CLVS1: variants seen among roughly 807,000 people sequenced by gnomAD.
CLVS1 encodes the protein clavesin-1.
Under a neutral mutation model 33.1 loss-of-function variants are expected in CLVS1, and 10 were observed. The ratio of observed to expected loss-of-function variants is 0.30; its 90% CI spans 0.19 to 0.51. The LOEUF (loss-of-function observed/expected upper bound fraction) is 0.51. Among genes scored for constraint, CLVS1 ranks in the 20% least tolerant of loss-of-function variants. CLVS1 has a pLI of 0.97. For synonymous variants in CLVS1, 163 were observed against 166.1 expected (o/e 0.98, Z 0.14); for missense variants, 343 against 433.4 (o/e 0.79, Z 1.85).
chr8:61,023,630 C>T, the CLVS1 span, among the ~76,000 whole-genome samples: 14 of 152,256 alleles, frequency 9.2e-5, no homozygotes, highest in Admixed American at 9.2e-4. Context: ...GGATCCTCGC[C>T]TGCGCCATCC....
At chr8:61,117,840 T>G (rs1460787170) in intron 1 of CLVS1, among the ~76,000 whole-genome samples, 4 of 151,144 alleles carry the variant, frequency 2.6e-5, no homozygotes, top group Admixed American at 1.3e-4. Flanking sequence ...TCTCTTTTTT[T>G]GTTGTGTCTC....
At chr8:61,394,460 G>C (rs1814438064) in intron 3 of CLVS1, among the ~76,000 whole-genome samples, 1 of 152,160 alleles carries the variant, frequency 6.6e-6, no homozygotes, top group African/African-American at 2.4e-5. Flanking sequence ...GTCGGGGCAG[G>C]GTTAGGTGGG....
rs147777690 is a variant in CLVS1, at chr8:61,257,986, C to T, written c.-151-41691C>T. On this transcript the variant is annotated intron_variant, in intron 2 of 2. Coordinates refer to the CLVS1 transcript ENST00000522621. ...GTGGTGGTGGTAGTGACTACTACCA[C>T]TGAGAGAGCCAGGAGCAGGGGGAAA... Among the ~76,000 whole-genome samples the T allele has an allele frequency of 3.0e-3, 449 of 152,076 alleles. 2 individuals are homozygous for T. Among genetic ancestry groups the T allele is most frequent in the African/African-American group, 0.01 (418 of 41,470 alleles).
In CLVS1 at chr8:61,299,784, A is replaced by C; in HGVS notation, c.-44A>C. On this transcript the variant is annotated 5_prime_UTR_variant, in exon 2 of 6. Coordinates refer to ENST00000325897, the MANE Select transcript of CLVS1 (RefSeq NM_173519.3). ...TCTGTTCCGGGGCAGCCTGGTAGTAAAACACTGTTGAATGGGCCACAGTTT... is the reference window on the plus strand; with the variant it reads ...TCTGTTCCGGGGCAGCCTGGTAGTACAACACTGTTGAATGGGCCACAGTTT... 1 of 1,466,038 alleles carries C rather than the reference A, an allele frequency of 6.8e-7. No individual in the cohort carries two copies. The highest frequency in any genetic ancestry group is 9.4e-7 in the Non-Finnish European group (1 of 1,067,074). 90.8% of individuals were successfully genotyped at this position (1,466,038 alleles called of 1,614,324 possible).
the CLVS1 span, among the ~76,000 whole-genome samples, chr8:60,974,559 C>T: frequency 1.3e-5 from 2 of 152,304 alleles, no homozygotes; most frequent in East Asian, 3.9e-4. Context: ...TTTCTCCCCA[C>T]TTAGTATGAC....
chr8:61,466,788 C>T (rs1817560784), intron 5 of CLVS1, among the ~76,000 whole-genome samples: 1 of 152,142 alleles, frequency 6.6e-6, no homozygotes, highest in Non-Finnish European at 1.5e-5. Context: ...GCTGGGATTA[C>T]AGGTGCCCAC....
rs1290850677 is a variant in CLVS1, at chr8:61,403,002, TA to T, written c.630+26230del. Reference sequence around the variant, plus strand: ...AATGCTAAAACATGATAAGTACTATTAAAAAAACAGGTTAGGGTGATTGAAA... The same window carrying T: ...AATGCTAAAACATGATAAGTACTATTAAAAAACAGGTTAGGGTGATTGAAA... On this transcript the variant is annotated intron_variant, in intron 3 of 5. Coordinates refer to ENST00000325897, the MANE Select transcript of CLVS1 (RefSeq NM_173519.3). Among the ~76,000 whole-genome samples the T allele has an allele frequency of 2.0e-5, 3 of 152,164 alleles. No homozygotes were observed. The East Asian group carries it at 5.8e-4, about 29-fold the overall frequency.
At chr8:61,216,503 G>A (rs972265817) in intron 2 of CLVS1, among the ~76,000 whole-genome samples, 9 of 152,150 alleles carry the variant, frequency 5.9e-5, no homozygotes, top group African/African-American at 2.2e-4. Context: ...TTGCATCATA[G>A]GCACTCCAAT....
chr8:61,197,399 G>C (rs148973462), intron 2 of CLVS1, among the ~76,000 whole-genome samples: 51 of 152,160 alleles, frequency 3.4e-4, no homozygotes, highest in African/African-American at 1.2e-3. Flanking sequence ...TGTTCCATTG[G>C]TCTATGTGTC....
chr8:61,261,975 CGTGTGT>C (rs57278209), intron 2 of CLVS1, among the ~76,000 whole-genome samples: 3,245 of 110,932 alleles, frequency 0.029, 43 homozygotes, highest in African/African-American at 0.041. Flanking sequence ...CTCATTGCTG[CGTGTGT>C]GTGTGTGTGT....
intron 2 of CLVS1, among the ~76,000 whole-genome samples, chr8:61,338,983 TGTGTGTGTGTATGCATGTGA>T (rs1306614371): frequency 6.8e-6 from 1 of 146,560 alleles, no homozygotes; most frequent in Non-Finnish European, 1.5e-5. Flanking sequence ...TGTGTGTGTG[TGTGTGTGTGTATGCATGTGA>T]GTGTGTGCCT....
chr8:61,232,023 G>GTTTGTTTGTTTTTTTTTTT, intron 2 of CLVS1, among the ~76,000 whole-genome samples: 3 of 62,656 alleles, frequency 4.8e-5, no homozygotes, highest in African/African-American at 1.4e-4. Context: ...GAAAGTTGTG[G>GTTTGTTTGTTTTTTTTTTT]TTTTTTTTTT....
intron 3 of CLVS1, among the ~76,000 whole-genome samples, chr8:61,450,225 TAA>T: frequency 6.6e-6 from 1 of 152,320 alleles, no homozygotes; most frequent in Non-Finnish European, 1.5e-5. Context: ...TAACTGAGGG[TAA>T]ACTTACCACA....
intron 3 of CLVS1, among the ~76,000 whole-genome samples, chr8:61,431,700 AG>A (rs1816121215): frequency 6.6e-6 from 1 of 152,102 alleles, no homozygotes; most frequent in Non-Finnish European, 1.5e-5. Flanking sequence ...CCTTGAAGGC[AG>A]GGACTTTTTA....
At chr8:61,119,709 C>T (rs907998813) in intron 1 of CLVS1, among the ~76,000 whole-genome samples, 17 of 132,332 alleles carry the variant, frequency 1.3e-4, no homozygotes, top group Admixed American at 3.6e-4. Context: ...CCCCCACTCT[C>T]TTCTGGCTTG....
the CLVS1 span, among the ~76,000 whole-genome samples, chr8:61,030,872 C>A: frequency 6.6e-6 from 1 of 152,132 alleles, no homozygotes. Flanking sequence ...AGTCAGGCCA[C>A]CTGGGACCAA....
the CLVS1 span, among the ~76,000 whole-genome samples, chr8:61,033,161 A>AAGAAAGAAAG: frequency 2.6e-4 from 24 of 92,120 alleles, 6 homozygotes; most frequent in Non-Finnish European, 2.7e-4. Context: ...GAAAGAAAGA[A>AAGAAAGAAAG]AAAGAAAGAA....
chr8:61,337,923 T>C (rs1389058380), intron 2 of CLVS1, among the ~76,000 whole-genome samples: 2 of 152,296 alleles, frequency 1.3e-5, no homozygotes, highest in East Asian at 3.9e-4. Flanking sequence ...TTACAGAAAG[T>C]GGTTTGCCTA....
intron 1 of CLVS1, among the ~76,000 whole-genome samples, chr8:61,084,978 G>T (rs113029600): frequency 0.015 from 2,277 of 152,296 alleles, 33 homozygotes; most frequent in Non-Finnish European, 0.02. Flanking sequence ...ACAAAAATTG[G>T]TATGTCAATA....
Sources: gnomAD v4.1 joint callset for allele counts (sites outside exome capture counted in the v4.1 genomes callset) on GRCh38, gnomAD v4.1.1 for gene constraint, MANE v1.5 for transcripts, NCBI Gene and HGNC (gene_info 2026-07-23, HGNC 2026-07-21) for gene names.